The following NOC3L variants were observed in gnomAD, a reference collection of about 807,000 sequenced individuals.
The protein encoded by NOC3L is nucleolar complex protein 3 homolog.
Under a neutral mutation model 102.5 loss-of-function variants are expected in NOC3L, and 85 were observed. The ratio of observed to expected loss-of-function variants is 0.83; its 90% CI spans 0.70 to 0.99. The LOEUF is 0.99. Among genes scored for constraint, NOC3L ranks in the 50% least tolerant of loss-of-function variants. The probability of loss-of-function intolerance (pLI) is 0.00; values close to 1 mark genes in which losing one functional copy is unlikely to be tolerated. For missense variants in NOC3L, 878 were observed against 914.9 expected (o/e 0.96, Z 0.52); for synonymous variants, 303 against 309.4 (o/e 0.98, Z 0.22).
chr10:94,342,130 G>A (rs1000120410), intron 13 of NOC3L, among the ~76,000 whole-genome samples: 1 of 152,154 alleles, frequency 6.6e-6, no homozygotes, highest in Non-Finnish European at 1.5e-5. Flanking sequence ...ACAAGAATAT[G>A]GACCTTATGA....
At chr10:94,356,500 C>T in intron 5 of NOC3L, 35 bp downstream of exon 5, 1 of 1,351,646 alleles carries the variant, frequency 7.4e-7, no homozygotes, top group Non-Finnish European at 1.1e-6. Context: ...AAAAAATTCT[C>T]AATTAACAAT....
At chr10:94,324,259 C>T in the NOC3L span, 26 of 1,009,194 alleles carry the variant, frequency 2.6e-5, no homozygotes, top group African/African-American at 3.3e-4. Flanking sequence ...CTAGTCTGGG[C>T]CATTTTTCCA....
intron 20 of NOC3L, 66 bp downstream of exon 20, chr10:94,334,568 A>C (rs1322988411): frequency 8.8e-7 from 1 of 1,135,702 alleles, no homozygotes; most frequent in Admixed American, 2.1e-5. Context: ...AGCAAACTGG[A>C]GTTAGAGTTA....
rs543550357 is a variant in NOC3L, at chr10:94,338,820, T to C, written c.1963-84A>G. On this transcript the variant is annotated intron_variant, in intron 17 of 20. Coordinates refer to ENST00000371361, the MANE Select transcript of NOC3L (RefSeq NM_022451.11). ...TTACTGGTTTGTAGTTGTATTTGCATTTAAATTTATGGTTGTATAAGAGCT... is the reference window on the plus strand; with the variant it reads ...TTACTGGTTTGTAGTTGTATTTGCACTTAAATTTATGGTTGTATAAGAGCT... The C allele has an allele frequency of 6.7e-6, 8 of 1,190,102 alleles. No homozygotes were observed. The South Asian group carries it at 1.5e-4, about 23-fold the overall frequency. 73.7% of individuals were successfully genotyped at this position (1,190,102 alleles called of 1,614,324 possible).
Position 94,337,787 on chromosome 10 carries a change from A to C in NOC3L, c.2179T>G (p.Leu727Val), listed in dbSNP as rs1257346643. 1.9e-6 allele frequency: 3 copies of C among 1,611,682 alleles called. No individual in the cohort carries two copies. Among genetic ancestry groups the C allele is most frequent in the Non-Finnish European group, 2.5e-6 (3 of 1,178,086 alleles). The stretch of plus-strand genomic sequence containing the variant: ...AATGCTAAATATTACCTTCGACTCA[A>C]CTCTGGTTTGAGTGCTCCAGAGCCT... ...SEGSGALKPELSRRSATELFE... is the reference protein window; with the variant it reads ...SEGSGALKPEVSRRSATELFE... Residue 727 changes from leucine to valine, a missense_variant, in exon 19 of 21, where the codon TTG (leucine) becomes GTG (valine). Physicochemically the swap from Leu to Val is conservative, Grantham distance 32. Transcript: ENST00000371361.
rs182908376 is a variant in NOC3L, at chr10:94,339,972, G to C, written c.1781-52C>G. On this transcript the variant is annotated intron_variant, in intron 16 of 20. Coordinates refer to ENST00000371361, the MANE Select transcript of NOC3L (RefSeq NM_022451.11). ...GCTGTTCTCATTACTTTTTCATTACGCAACTGGACTGAACTTCAGATAAAC... is the reference window on the plus strand; with the variant it reads ...GCTGTTCTCATTACTTTTTCATTACCCAACTGGACTGAACTTCAGATAAAC... 5 of 1,469,484 alleles carry C rather than the reference G, an allele frequency of 3.4e-6. No individual in the cohort carries two copies. In the South Asian group the frequency reaches 6.2e-5, roughly 18 times the overall value. 91.0% of individuals were successfully genotyped at this position (1,469,484 alleles called of 1,614,324 possible).
At chr10:94,331,755 T>C (rs567971426), downstream of NOC3L, 2 of 152,318 alleles carry the variant, frequency 1.3e-5, no homozygotes, top group East Asian at 3.9e-4. Flanking sequence ...GCCATCCTTA[T>C]GTAGCAGCTT....
At chr10:94,340,703 C>T (rs1490504591) in intron 14 of NOC3L, among the ~76,000 whole-genome samples, 2 of 151,872 alleles carry the variant, frequency 1.3e-5, no homozygotes, top group Non-Finnish European at 2.9e-5. Context: ...CTCTCAGGGC[C>T]GGGCGCGGTG....
intron 12 of NOC3L, 107 bp downstream of exon 12, chr10:94,344,746 C>T: frequency 1.1e-6 from 1 of 885,054 alleles, no homozygotes. Context: ...CACATCTAAG[C>T]CTCATGAAAG....
At chr10:94,331,946 AC>A (rs1479268167), downstream of NOC3L, 1 of 145,204 alleles carries the variant, frequency 6.9e-6, no homozygotes, top group South Asian at 2.2e-4. Context: ...ATCTCGACTC[AC>A]CACAACCTCC....
In NOC3L at chr10:94,337,829, C is replaced by A. The variant is rs780931270; in HGVS notation, c.2137G>T (p.Ala713Ser). Reference protein sequence around the residue: ...IVQRFAAHLIAGAPSEGSGAL... With the variant: ...IVQRFAAHLISGAPSEGSGAL... ...CCAGAGCCTTCAGAAGGTGCTCCAG[C>A]GATCAGGTGGGCTGCAAATCTCTGC... The change falls in exon 19 of 21, where the codon GCT becomes TCT. Residue 713 changes from alanine (A) to serine (S), a missense_variant. Coordinates refer to ENST00000371361, the MANE Select transcript of NOC3L (RefSeq NM_022451.11). 11 of 1,613,984 alleles carry A rather than the reference C, an allele frequency of 6.8e-6. No individual in the cohort carries two copies. Among genetic ancestry groups the A allele is most frequent in the South Asian group, 5.5e-5 (5 of 91,064 alleles).
In NOC3L at chr10:94,338,658, C is replaced by A; in HGVS notation, c.2041G>T (p.Glu681Ter). The A allele has an allele frequency of 6.2e-7, 1 of 1,613,078 alleles. No homozygotes were observed. Among genetic ancestry groups the A allele is most frequent in the East Asian group, 2.2e-5 (1 of 44,878 alleles). ...GVFLPELDEP[E>*]YCNAQNTALW... is the part of the protein sequence containing the mutation. ...GCAGTGTTCTGAGCATTGCAGTACT[C>A]AGGCTCATCCAGTTCAGGAAGGAAA... is the stretch of plus-strand genomic sequence containing the variant. The change falls in exon 18 of 21, where the codon GAG (glutamate) becomes TAG (stop). Residue 681 changes from glutamate (E) to a stop codon, truncating the protein, a stop_gained. Coordinates refer to ENST00000371361, the MANE Select transcript of NOC3L (RefSeq NM_022451.11). LOFTEE classifies it high-confidence loss of function.
chr10:94,356,142 G>T (rs1322983389), intron 5 of NOC3L, among the ~76,000 whole-genome samples: 1 of 152,168 alleles, frequency 6.6e-6, no homozygotes, highest in East Asian at 1.9e-4. Flanking sequence ...TGAAACATAT[G>T]CAAGTATAAT....
At chr10:94,330,298 T>C (rs1392534255), downstream of NOC3L, 1 of 152,224 alleles carries the variant, frequency 6.6e-6, no homozygotes, top group African/African-American at 2.4e-5. Context: ...TGCATCCCAA[T>C]TTAGTTGTTT....
At chr10:94,340,182 C>T in intron 16 of NOC3L, 94 bp downstream of exon 16, 1 of 1,052,072 alleles carries the variant, frequency 9.5e-7, no homozygotes, top group Non-Finnish European at 1.4e-6. Context: ...TTTTATGTAC[C>T]TGTTCCTATT....
the NOC3L span, among the ~76,000 whole-genome samples, chr10:94,319,864 C>CTT: frequency 0.14 from 13,311 of 92,486 alleles, 1,595 homozygotes; most frequent in Non-Finnish European, 0.2. Flanking sequence ...CAAAGGTGCT[C>CTT]TTTTTTTTTT....
chr10:94,359,289 G>A (rs980453227), intron 2 of NOC3L, among the ~76,000 whole-genome samples: 2 of 152,200 alleles, frequency 1.3e-5, no homozygotes, highest in East Asian at 1.9e-4. Flanking sequence ...AGTGAGGCGT[G>A]GTGGCACATG....
At chr10:94,321,643 A>C in the NOC3L span, among the ~76,000 whole-genome samples, 276 of 152,048 alleles carry the variant, frequency 1.8e-3, 1 homozygote, top group Admixed American at 3.5e-3. Context: ...AAAAAAAAAA[A>C]AAACCCACAG....
the NOC3L span, among the ~76,000 whole-genome samples, chr10:94,323,316 A>G: frequency 3.3e-5 from 5 of 152,352 alleles, no homozygotes; most frequent in African/African-American, 1.2e-4. Context: ...ACAACAATTA[A>G]GAGCACAGAC....
Sources: gnomAD v4.1 joint callset for allele counts (sites outside exome capture counted in the v4.1 genomes callset) on GRCh38, gnomAD v4.1.1 for gene constraint, MANE v1.5 for transcripts, NCBI Gene and HGNC (gene_info 2026-07-23, HGNC 2026-07-21) for gene names.